The following CADM2 variants were observed in gnomAD, a reference collection of about 807,000 sequenced individuals.
CADM2 encodes immunoglobulin superfamily member 4D.
In CADM2, 12 loss-of-function variants were observed where a neutral mutation model predicts 49.8. The observed-to-expected ratio is 0.24, with a 90% CI of 0.15 to 0.39. The LOEUF (loss-of-function observed/expected upper bound fraction) is 0.39, where lower values mean the gene tolerates loss of function less well. Among genes scored for constraint, CADM2 ranks in the 10% least tolerant of loss-of-function variants. The pLI is 1.00. For synonymous variants in CADM2, 214 were observed against 175.4 expected (o/e 1.22, Z -1.74); for missense variants, 378 against 492.3 (o/e 0.77, Z 2.20).
At chr3:85,215,379 A>G (rs899406347) in intron 1 of CADM2, among the ~76,000 whole-genome samples, 3 of 151,438 alleles carry the variant, frequency 2.0e-5, no homozygotes, top group African/African-American at 7.3e-5. Context: ...AAAAAAAAAA[A>G]AAAGAAAAAA....
chr3:85,871,420 T>G (rs1202458135), intron 3 of CADM2, among the ~76,000 whole-genome samples: 3 of 152,134 alleles, frequency 2.0e-5, no homozygotes, highest in Non-Finnish European at 2.9e-5. Flanking sequence ...GGATTAGTAA[T>G]TATTAGCTAG....
intron 2 of CADM2, among the ~76,000 whole-genome samples, chr3:85,798,712 A>C (rs1336502085): frequency 6.6e-6 from 1 of 152,174 alleles, no homozygotes; most frequent in East Asian, 1.9e-4. Context: ...TGATGCCTCC[A>C]GCTTTGTTCT....
chr3:85,932,635 T>C (rs1226699761), intron 6 of CADM2, among the ~76,000 whole-genome samples: 1 of 152,092 alleles, frequency 6.6e-6, no homozygotes, highest in Non-Finnish European at 1.5e-5. Context: ...GGGAGGGGGT[T>C]GAGGAACAGA....
chr3:85,392,665 A>T (rs1230682571), intron 1 of CADM2, among the ~76,000 whole-genome samples: 2 of 152,104 alleles, frequency 1.3e-5, no homozygotes, highest in East Asian at 3.9e-4. Context: ...ATTCTGGTCA[A>T]TACAGTATAA....
At chr3:85,185,954 T>C (rs761533797) in intron 1 of CADM2, among the ~76,000 whole-genome samples, 17 of 152,252 alleles carry the variant, frequency 1.1e-4, no homozygotes, top group East Asian at 9.7e-4. Context: ...TCGAAGGAGA[T>C]ATTATGGCAA....
At chr3:85,787,001 A>C (rs1163641875) in intron 2 of CADM2, among the ~76,000 whole-genome samples, 1 of 152,088 alleles carries the variant, frequency 6.6e-6, no homozygotes, top group Non-Finnish European at 1.5e-5. Flanking sequence ...ACTCAAAGAA[A>C]TATATATTTG....
intron 1 of CADM2, among the ~76,000 whole-genome samples, chr3:85,176,513 G>A (rs1213782724): frequency 6.6e-6 from 1 of 152,050 alleles, no homozygotes; most frequent in African/African-American, 2.4e-5. Flanking sequence ...AGTTTGCTTT[G>A]GGGTTTTATA....
intron 1 of CADM2, among the ~76,000 whole-genome samples, chr3:85,401,111 G>T (rs1283222553): frequency 6.6e-6 from 1 of 152,146 alleles, no homozygotes; most frequent in Non-Finnish European, 1.5e-5. Flanking sequence ...CTATCCTTCT[G>T]AGCCTTTGGC....
chr3:85,370,967 G>A (rs1044679557), intron 1 of CADM2, among the ~76,000 whole-genome samples: 2 of 151,294 alleles, frequency 1.3e-5, no homozygotes, highest in Middle Eastern at 3.2e-3. Context: ...AAAAATTGTC[G>A]ATAGAAATAA....
intron 1 of CADM2, among the ~76,000 whole-genome samples, chr3:84,974,676 C>A (rs1456434823): frequency 1.3e-5 from 2 of 151,846 alleles, no homozygotes; most frequent in Non-Finnish European, 2.9e-5. Flanking sequence ...GTTTTACTAA[C>A]CAACTAAGTT....
chr3:85,227,142 A>C (rs938111361), intron 1 of CADM2, among the ~76,000 whole-genome samples: 1 of 152,148 alleles, frequency 6.6e-6, no homozygotes, highest in Non-Finnish European at 1.5e-5. Context: ...TATTAGGTCC[A>C]CTTGGTCCAA....
chr3:85,480,269 C>A (rs1422635768), intron 1 of CADM2, among the ~76,000 whole-genome samples: 2 of 151,762 alleles, frequency 1.3e-5, no homozygotes, highest in Non-Finnish European at 2.9e-5. Flanking sequence ...TTTCCATAAG[C>A]TCCATAAGTT....
chr3:85,396,037 A>G (rs1454077076), intron 1 of CADM2, among the ~76,000 whole-genome samples: 1 of 150,124 alleles, frequency 6.7e-6, no homozygotes, highest in African/African-American at 2.4e-5. Context: ...ATATTTAATT[A>G]TCATAATGAT....
chr3:85,377,451 C>A (rs570437148), intron 1 of CADM2, among the ~76,000 whole-genome samples: 7 of 152,144 alleles, frequency 4.6e-5, no homozygotes, highest in African/African-American at 1.4e-4. Flanking sequence ...GATTTATATG[C>A]ACTTCACATG....
chr3:85,066,458 A>T (rs1008364168), intron 1 of CADM2, among the ~76,000 whole-genome samples: 1 of 151,986 alleles, frequency 6.6e-6, no homozygotes, highest in Admixed American at 6.6e-5. Context: ...CTGTTGAATG[A>T]TGTTTTGACT....
intron 1 of CADM2, among the ~76,000 whole-genome samples, chr3:85,288,789 C>CCCA (rs915585782): frequency 1.5e-5 from 2 of 130,644 alleles, no homozygotes; most frequent in Admixed American, 8.0e-5. Context: ...AATATGCCCC[C>CCCA]CCCCCCTCTT....
At chr3:85,229,464 A>G (rs535715938) in intron 1 of CADM2, among the ~76,000 whole-genome samples, 11 of 152,130 alleles carry the variant, frequency 7.2e-5, no homozygotes, top group South Asian at 6.2e-4. Context: ...GGCTGCACCT[A>G]CTGTCCAACC....
At chr3:85,708,280 T>A (rs931124066) in intron 1 of CADM2, among the ~76,000 whole-genome samples, 4 of 152,194 alleles carry the variant, frequency 2.6e-5, no homozygotes, top group Middle Eastern at 3.2e-3. Context: ...TTCTTTTTTT[T>A]AATTTAATCT....
chr3:85,366,113 A>G (rs1306979964), intron 1 of CADM2, among the ~76,000 whole-genome samples: 2 of 152,222 alleles, frequency 1.3e-5, no homozygotes, highest in Admixed American at 1.3e-4. Context: ...CTGTCTGTTC[A>G]TCTGGAATGT....
Sources: allele counts gnomAD v4.1 joint callset (sites outside exome capture counted in the v4.1 genomes callset), GRCh38; gene constraint gnomAD v4.1.1; transcripts MANE v1.5; gene names NCBI Gene and HGNC (gene_info 2026-07-23, HGNC 2026-07-21).